Variants in DGKH observed in about 807,000 individuals in gnomAD.
DGKH encodes the protein DAG kinase eta.
In DGKH, 90 loss-of-function variants were observed where a neutral mutation model predicts 159.3. That is an observed-to-expected ratio of 0.57 (90% CI 0.48 to 0.67). The LOEUF (loss-of-function observed/expected upper bound fraction) is 0.67, where lower values mean the gene tolerates loss of function less well. DGKH is among the 30% of genes least tolerant of loss of function. The pLI is 0.00. For missense variants in DGKH, 1,181 were observed against 1,506.1 expected, an observed-to-expected ratio of 0.78 and a Z score of 3.57; for synonymous variants, 536 against 553.8, an observed-to-expected ratio of 0.97 and a Z score of 0.45.
At position 42,135,507 on chromosome 13, in the gene DGKH, A is replaced by AAAAAAAAAAAAAG. The variant is rs71096557; in HGVS notation, c.384+5876_384+5877insAAAAAAAAAAAGA. ...CCTGTCTCAGAAAAAAAAAAAAAAA[A>AAAAAAAAAAAAAG]AGAGAGAGAGAGAAAAAGAAAAAAA... On this transcript the variant is annotated intron_variant, in intron 3 of 29. Coordinates refer to ENST00000337343, the MANE Select transcript of DGKH (RefSeq NM_178009.5). Among the ~76,000 whole-genome samples, 20 of 113,430 alleles carry AAAAAAAAAAAAAG rather than the reference A, an allele frequency of 1.8e-4. No homozygotes were observed. In the South Asian group the frequency reaches 2.1e-3, roughly 12 times the overall value. The allele number at this position is 113,430 out of a possible 152,430, so 74.4% of individuals were successfully genotyped here. A position where few individuals can be genotyped will look rare whatever the true frequency, so the allele number is the denominator to read the frequency against.
chr13:42,101,332 G>A (rs1305495486), intron 1 of DGKH, among the ~76,000 whole-genome samples: 1 of 152,188 alleles, frequency 6.6e-6, no homozygotes, highest in Non-Finnish European at 1.5e-5. Context: ...CAGCATTAAG[G>A]CACATTGAGA....
intron 3 of DGKH, among the ~76,000 whole-genome samples, chr13:42,143,195 T>A (rs192615781): frequency 9.8e-5 from 15 of 152,324 alleles, no homozygotes; most frequent in Admixed American, 8.5e-4. Flanking sequence ...TATGCTGGAT[T>A]ATGTTTATTG....
At chr13:42,125,965 A>C (rs896515530) in intron 1 of DGKH, among the ~76,000 whole-genome samples, 1 of 151,962 alleles carries the variant, frequency 6.6e-6, no homozygotes, top group African/African-American at 2.4e-5. Context: ...TTGGAGGCTC[A>C]CTATAGCACT....
intron 11 of DGKH, among the ~76,000 whole-genome samples, chr13:42,173,302 G>A (rs1003498538): frequency 2.0e-5 from 3 of 152,188 alleles, no homozygotes; most frequent in African/African-American, 7.2e-5. Flanking sequence ...CTACAATAAT[G>A]TCCTGGCCCA....
intron 23 of DGKH, 97 bp downstream of exon 23, chr13:42,209,562 CTT>C: frequency 1.5e-6 from 2 of 1,296,668 alleles, no homozygotes; most frequent in Non-Finnish European, 1.0e-6. Flanking sequence ...TAAATTGTCT[CTT>C]AAATCTGACA....
At chr13:42,051,823 AC>A (rs1881339454) in intron 1 of DGKH, among the ~76,000 whole-genome samples, 1 of 151,050 alleles carries the variant, frequency 6.6e-6, no homozygotes, top group African/African-American at 2.4e-5. Context: ...GCGCCACCAC[AC>A]CCAGCTAATT....
chr13:42,200,151 G>A (rs189800637), intron 20 of DGKH, among the ~76,000 whole-genome samples: 130 of 152,232 alleles, frequency 8.5e-4, no homozygotes, highest in African/African-American at 2.8e-3. Flanking sequence ...GGTGCCCCAC[G>A]TAAAAGTGGA....
intron 29 of DGKH, among the ~76,000 whole-genome samples, chr13:42,249,347 G>A (rs564894003): frequency 1.3e-5 from 2 of 152,272 alleles, no homozygotes; most frequent in South Asian, 4.1e-4. Flanking sequence ...GGCCCTCTTG[G>A]TTGCAGTGAG....
intron 12 of DGKH, among the ~76,000 whole-genome samples, chr13:42,176,736 T>C (rs1756642845): frequency 1.3e-5 from 2 of 152,176 alleles, no homozygotes; most frequent in African/African-American, 2.4e-5. Context: ...AATGAAAAGA[T>C]ACCTGAGTCA....
chr13:42,228,711 G>T (rs1329935941), intron 29 of DGKH, among the ~76,000 whole-genome samples: 1 of 150,104 alleles, frequency 6.7e-6, no homozygotes, highest in Admixed American at 6.6e-5. Context: ...AATAAAGAAA[G>T]AAAGAAAGAA....
chr13:42,069,341 T>C (rs185058835), intron 1 of DGKH: 191 of 1,338,190 alleles, frequency 1.4e-4, no homozygotes, highest in Non-Finnish European at 1.9e-4. Flanking sequence ...AAGTTTCTAA[T>C]TGAGCCAGAT....
chr13:42,211,486 TCAGGAGTTCGAGAC>T (rs1957656947), intron 24 of DGKH, among the ~76,000 whole-genome samples: 1 of 151,984 alleles, frequency 6.6e-6, no homozygotes, highest in Non-Finnish European at 1.5e-5. Context: ...TCAGTTGAGG[TCAGGAGTTCGAGAC>T]CAGCCTGGCC....
At chr13:42,161,367 G>A (rs867239888) in intron 7 of DGKH, among the ~76,000 whole-genome samples, 7 of 152,270 alleles carry the variant, frequency 4.6e-5, no homozygotes, top group Middle Eastern at 6.8e-3. Flanking sequence ...AAGAAAACAC[G>A]GCCGGGCGCG....
chr13:42,176,778 G>C (rs1166092234), intron 12 of DGKH, among the ~76,000 whole-genome samples: 1 of 152,140 alleles, frequency 6.6e-6, no homozygotes, highest in African/African-American at 2.4e-5. Flanking sequence ...AGCTTGCCTA[G>C]AGCAGATCAT....
chr13:42,084,663 C>T (rs1282198583), intron 1 of DGKH, among the ~76,000 whole-genome samples: 3 of 151,832 alleles, frequency 2.0e-5, no homozygotes, highest in African/African-American at 4.8e-5. Flanking sequence ...TATAATTTTA[C>T]AGTTAACAAT....
Position 42,236,252 on chromosome 13 carries a change from C to G in DGKH, c.*7064C>G, listed in dbSNP as rs1958410725. On this transcript the variant is annotated 3_prime_UTR_variant, in exon 30 of 30. Coordinates refer to ENST00000337343, the MANE Select transcript of DGKH (RefSeq NM_178009.5). Reference sequence around the variant, plus strand: ...CATATTCTAGCTCTTTTCCTTTTTACTGCTGTTGTTTAGAGTGTGTAGTTC... The same window carrying G: ...CATATTCTAGCTCTTTTCCTTTTTAGTGCTGTTGTTTAGAGTGTGTAGTTC... 1 of 152,088 alleles carries G rather than the reference C, an allele frequency of 6.6e-6. No individual in the cohort carries two copies. Among genetic ancestry groups the G allele is most frequent in the South Asian group, 2.1e-4 (1 of 4,822 alleles). 9.4% of individuals were successfully genotyped at this position (152,088 alleles called of 1,614,324 possible).
At chr13:42,175,011 C>T (rs1477892870) in intron 12 of DGKH, among the ~76,000 whole-genome samples, 1 of 152,200 alleles carries the variant, frequency 6.6e-6, no homozygotes, top group Non-Finnish European at 1.5e-5. Context: ...GATTAAACCT[C>T]AAAGCGGTGT....
upstream of DGKH, chr13:42,048,608 G>A: frequency 1.1e-6 from 1 of 870,088 alleles, no homozygotes; most frequent in Non-Finnish European, 1.5e-6. The surrounding 1 kb of genome is among the most constrained non-coding windows in gnomAD (Gnocchi z 6.7). Flanking sequence ...TGCCTGGAGG[G>A]CGCCTGCCCC....
rs200949119 is a variant in DGKH, at chr13:42,198,469, T to C, written c.2168-9T>C. ...ATGCGATCCCATATGTGTTTGCTTTTCTTTCCAGGTTTAAGAGCAGGACTG... is the reference window on the plus strand; with the variant it reads ...ATGCGATCCCATATGTGTTTGCTTTCCTTTCCAGGTTTAAGAGCAGGACTG... On this transcript the variant is annotated splice_polypyrimidine_tract_variant and intron_variant, in intron 17 of 29. Transcript: ENST00000337343. 12 of 1,611,602 alleles carry C rather than the reference T, an allele frequency of 7.4e-6. No individual in the cohort carries two copies. The highest frequency in any genetic ancestry group is 2.7e-5 in the African/African-American group (2 of 74,782).
Sources: allele counts gnomAD v4.1 joint callset (sites outside exome capture counted in the v4.1 genomes callset), GRCh38; gene constraint gnomAD v4.1.1; non-coding constraint Gnocchi (gnomAD v3.1); transcripts MANE v1.5; gene names NCBI Gene and HGNC (gene_info 2026-07-23, HGNC 2026-07-21).